Variants in NRGN observed in about 807,000 individuals in gnomAD.
NRGN encodes the protein neurogranin, also known as calmodulin-binding protein.
For missense variants in NRGN, 82 were observed against 123.0 expected, an observed-to-expected ratio of 0.67 and a Z score of 1.58; for synonymous variants, 47 against 52.8, an observed-to-expected ratio of 0.89 and a Z score of 0.47.
chr11:124,743,754 C>T (rs1943985673), intron 1 of NRGN, among the ~76,000 whole-genome samples: 1 of 152,064 alleles, frequency 6.6e-6, no homozygotes, highest in Non-Finnish European at 1.5e-5. Context: ...TGAAGCCTTC[C>T]TCATATCCTG....
At chr11:124,742,438 G>C (rs1943973711) in intron 1 of NRGN, among the ~76,000 whole-genome samples, 1 of 152,150 alleles carries the variant, frequency 6.6e-6, no homozygotes, top group African/African-American at 2.4e-5. Context: ...TTAAGAGACA[G>C]AGGAATGGTT....
In NRGN at chr11:124,746,726, T is replaced by G. The variant is rs1944015995; in HGVS notation, c.*346T>G. On this transcript the variant is annotated 3_prime_UTR_variant, in exon 4 of 4. Coordinates refer to ENST00000284292, the MANE Select transcript of NRGN (RefSeq NM_006176.3). Reference sequence around the variant, plus strand: ...CCTCCGCAGCCTCAGTGCGCTTTCCTGCGCGCACTGCGGAGGGCGCCCTAA... The same window carrying G: ...CCTCCGCAGCCTCAGTGCGCTTTCCGGCGCGCACTGCGGAGGGCGCCCTAA... The G allele has an allele frequency of 6.6e-6, 1 of 152,390 alleles. No individual in the cohort carries two copies. The highest frequency in any genetic ancestry group is 6.5e-5 in the Admixed American group (1 of 15,280). 9.4% of individuals were successfully genotyped at this position (152,390 alleles called of 1,614,324 possible).
At chr11:124,742,824 G>A (rs1943976844) in intron 1 of NRGN, among the ~76,000 whole-genome samples, 1 of 152,210 alleles carries the variant, frequency 6.6e-6, no homozygotes, top group Non-Finnish European at 1.5e-5. Flanking sequence ...TATCCTTAAA[G>A]CTATTCGGAT....
rs536026702 is a variant in NRGN at position 124,740,099 on chromosome 11, C to A, written c.15C>A (p.Thr5=). 3.7e-6 allele frequency: 5 copies of A among 1,345,758 alleles called. No homozygotes were observed. In the African/African-American group the frequency reaches 4.9e-5, roughly 13 times the overall value. 83.4% of individuals were successfully genotyped at this position (1,345,758 alleles called of 1,614,324 possible). Reference sequence around the variant, plus strand: ...CCGACACCAGCATGGACTGCTGCACCGTAAGTTAGAGGGCCCGGGGGAGGG... The same window carrying A: ...CCGACACCAGCATGGACTGCTGCACAGTAAGTTAGAGGGCCCGGGGGAGGG... MDCC[T]ENACSKPDDD... Residue 5 remains threonine (T), a splice_region_variant and synonymous_variant, in exon 1 of 4, where the codon ACC becomes ACA. Coordinates refer to ENST00000284292, the MANE Select transcript of NRGN (RefSeq NM_006176.3). This position sits in a 1 kb window ranked among gnomAD's most constrained non-coding sequence, Gnocchi z 7.5.
rs552005797 is a variant in NRGN at position 124,745,315 on chromosome 11, T to C, written c.16-188T>C. ...TGACTGTCCACCTGGCCCTGAACCT[T>C]CTTCGCCTGTCGCTGCCCATGCCCC... On this transcript the variant is annotated intron_variant, in intron 1 of 3. Transcript: ENST00000284292. The surrounding 1 kb of genome is among the most constrained non-coding windows in gnomAD (Gnocchi z 6.4). 2.1e-3 allele frequency among the ~76,000 whole-genome samples: 321 copies of C among 152,228 alleles called. No homozygotes were observed. The highest frequency in any genetic ancestry group is 3.6e-3 in the Non-Finnish European group (245 of 67,998).
intron 1 of NRGN, among the ~76,000 whole-genome samples, chr11:124,742,837 G>C (rs1480213990): frequency 6.6e-6 from 1 of 152,194 alleles, no homozygotes; most frequent in African/African-American, 2.4e-5. Context: ...ATTCGGATTT[G>C]GGAGCTGAAG....
intron 1 of NRGN, among the ~76,000 whole-genome samples, chr11:124,744,187 G>A (rs1943990764): frequency 6.6e-6 from 1 of 152,174 alleles, no homozygotes; most frequent in Non-Finnish European, 1.5e-5. Flanking sequence ...ATTATTATTA[G>A]GTTGAACCAT....
chr11:124,745,530 G>A lies in NRGN; in HGVS notation c.43G>A (p.Asp15Asn). The A allele has an allele frequency of 6.3e-7, 1 of 1,599,910 alleles. No individual in the cohort carries two copies. The highest frequency in any genetic ancestry group is 1.1e-5 in the South Asian group (1 of 89,274). ...GAACGCCTGCTCCAAGCCGGACGACGACATTCTAGACATCCCGCTGGACGA... is the reference window on the plus strand; with the variant it reads ...GAACGCCTGCTCCAAGCCGGACGACAACATTCTAGACATCCCGCTGGACGA... ...TENACSKPDDDILDIPLDDPG... is the reference protein window; with the variant it reads ...TENACSKPDDNILDIPLDDPG... The change falls in exon 2 of 4, where the codon GAC becomes AAC. Residue 15 changes from aspartate (D) to asparagine (N), a missense_variant. Asp to Asn is a conservative substitution (Grantham distance 23, BLOSUM62 1). Transcript: ENST00000284292. The surrounding 1 kb of genome is among the most constrained non-coding windows in gnomAD (Gnocchi z 6.4).
intron 1 of NRGN, among the ~76,000 whole-genome samples, chr11:124,742,767 A>G (rs1289308914): frequency 6.6e-6 from 1 of 152,204 alleles, no homozygotes; most frequent in Non-Finnish European, 1.5e-5. Context: ...ATATATGCAA[A>G]GCGCTTAGCA....
chr11:124,741,711 G>A lies in NRGN; in HGVS notation c.15+1612G>A, dbSNP rs114161499. Among the ~76,000 whole-genome samples, 147 of 152,120 alleles carry A rather than the reference G, an allele frequency of 9.7e-4. 2 individuals are homozygous for A. Among genetic ancestry groups the A allele is most frequent in the African/African-American group, 3.4e-3 (141 of 41,476 alleles). The stretch of plus-strand genomic sequence containing the variant: ...GGGAGGGGAGAGGTGAGGATGACAG[G>A]GGAGTATTGCTGGGGAAGGGGAAGT... On this transcript the variant is annotated intron_variant, in intron 1 of 3. Transcript: ENST00000284292.
rs933239931 is a variant in NRGN at position 124,739,948 on chromosome 11, G to A, written c.-137G>A. 4.5e-6 allele frequency: 2 copies of A among 444,468 alleles called. No homozygotes were observed. Among genetic ancestry groups the A allele is most frequent in the Non-Finnish European group, 8.0e-6 (2 of 249,964 alleles). 27.5% of individuals were successfully genotyped at this position (444,468 alleles called of 1,614,324 possible). ...GAGCGGAGCCGAGCGCGGGAGACCG[G>A]ACCCGAGAGCAGAGCTGCTGTTTCG... On this transcript the variant is annotated 5_prime_UTR_variant, in exon 1 of 4. Coordinates refer to ENST00000284292, the MANE Select transcript of NRGN (RefSeq NM_006176.3).
At chr11:124,742,249 A>G (rs1943971753) in intron 1 of NRGN, among the ~76,000 whole-genome samples, 2 of 152,092 alleles carry the variant, frequency 1.3e-5, no homozygotes, top group Admixed American at 1.3e-4. Context: ...TGTGGGAAGA[A>G]CAGCATACCT....
In NRGN at chr11:124,745,789, A is replaced by G. The variant is rs924401277; in HGVS notation, c.*5+60A>G. ...CCCTTCCCCAGCCCTCCCCAGGAGC[A>G]GGGGGAGAATAAGGGCGGGTTGGAG... On this transcript the variant is annotated intron_variant, in intron 2 of 3. Transcript: ENST00000284292. This position sits in a 1 kb window ranked among gnomAD's most constrained non-coding sequence, Gnocchi z 6.4. 4.7e-5 allele frequency: 45 copies of G among 964,052 alleles called. No individual in the cohort carries two copies. Among genetic ancestry groups the G allele is most frequent in the Non-Finnish European group, 5.8e-5 (42 of 720,702 alleles). The allele number at this position is 964,052 out of a possible 1,614,324, so 59.7% of individuals were successfully genotyped here.
rs1943956409 is a variant in NRGN at position 124,740,193 on chromosome 11, G to A, written c.15+94G>A. 1 of 943,814 alleles carries A rather than the reference G, an allele frequency of 1.1e-6. No homozygotes were observed. The highest frequency in any genetic ancestry group is 3.2e-5 in the East Asian group (1 of 30,852). The allele number at this position is 943,814 out of a possible 1,614,324, so 58.5% of individuals were successfully genotyped here. Reference sequence around the variant, plus strand: ...GGAGGGCGAGAGAGGGATGGAAGTGGATGCGGAAGACCTAGGAGCAGAAAG... The same window carrying A: ...GGAGGGCGAGAGAGGGATGGAAGTGAATGCGGAAGACCTAGGAGCAGAAAG... On this transcript the variant is annotated intron_variant, in intron 1 of 3. Coordinates refer to ENST00000284292, the MANE Select transcript of NRGN (RefSeq NM_006176.3). The surrounding 1 kb of genome is among the most constrained non-coding windows in gnomAD (Gnocchi z 7.5).
intron 1 of NRGN, among the ~76,000 whole-genome samples, chr11:124,743,573 G>A (rs1173472203): frequency 6.6e-6 from 1 of 151,882 alleles, no homozygotes; most frequent in Admixed American, 6.6e-5. Flanking sequence ...CCTTTTAACT[G>A]TGTTTAAATC....
At chr11:124,742,422 AT>A (rs1173541727) in intron 1 of NRGN, among the ~76,000 whole-genome samples, 3 of 152,046 alleles carry the variant, frequency 2.0e-5, no homozygotes, top group African/African-American at 7.2e-5. Context: ...AGATCTGCCT[AT>A]TTTTTTAAGA....
At position 124,747,112 on chromosome 11, in the gene NRGN, G is replaced by C. The variant is rs1036878369; in HGVS notation, c.*732G>C. 6.5e-6 allele frequency: 1 copy of C among 153,406 alleles called. No homozygotes were observed. Among genetic ancestry groups the C allele is most frequent in the African/African-American group, 2.4e-5 (1 of 41,476 alleles). The allele number at this position is 153,406 out of a possible 1,614,324, so 9.5% of individuals were successfully genotyped here. ...TCGGTCCCGCCCTCCCCCCCGCCGGGCTCCTGGGGCTGTGGCCGAAAGGTT... is the reference window on the plus strand; with the variant it reads ...TCGGTCCCGCCCTCCCCCCCGCCGGCCTCCTGGGGCTGTGGCCGAAAGGTT... On this transcript the variant is annotated 3_prime_UTR_variant, in exon 4 of 4. Transcript: ENST00000284292.
rs1251886402 is a variant in NRGN at position 124,740,777 on chromosome 11, C to A, written c.15+678C>A. Among the ~76,000 whole-genome samples, 2 of 152,272 alleles carry A rather than the reference C, an allele frequency of 1.3e-5. No homozygotes were observed. Among genetic ancestry groups the A allele is most frequent in the East Asian group, 3.8e-4 (2 of 5,196 alleles). Reference sequence around the variant, plus strand: ...CGCCCACGCGGAAACCTGGGTACTGCAAGTGCCCAGCGCCCGAGGGGTTTG... The same window carrying A: ...CGCCCACGCGGAAACCTGGGTACTGAAAGTGCCCAGCGCCCGAGGGGTTTG... On this transcript the variant is annotated intron_variant, in intron 1 of 3. Coordinates refer to ENST00000284292, the MANE Select transcript of NRGN (RefSeq NM_006176.3). The surrounding 1 kb of genome is among the most constrained non-coding windows in gnomAD (Gnocchi z 7.5).
Position 124,745,455 on chromosome 11 carries a change from G to A in NRGN, c.16-48G>A, listed in dbSNP as rs1187717569. The A allele has an allele frequency of 3.5e-6, 5 of 1,413,632 alleles. No individual in the cohort carries two copies. The highest frequency in any genetic ancestry group is 2.2e-5 in the Admixed American group (1 of 45,376). 87.6% of individuals were successfully genotyped at this position (1,413,632 alleles called of 1,614,324 possible). A position where few individuals can be genotyped will look rare whatever the true frequency, so the allele number is the denominator to read the frequency against. On this transcript the variant is annotated intron_variant, in intron 1 of 3. Coordinates refer to ENST00000284292, the MANE Select transcript of NRGN (RefSeq NM_006176.3). The surrounding 1 kb of genome is among the most constrained non-coding windows in gnomAD (Gnocchi z 6.4). ...GGCTCTATTCCTACCCCACTCCCGC[G>A]GATCAAGACCCAGTGACCCCACAAG...
Sources: allele counts gnomAD v4.1 joint callset (sites outside exome capture counted in the v4.1 genomes callset), GRCh38; gene constraint gnomAD v4.1.1; non-coding constraint Gnocchi (gnomAD v3.1); transcripts MANE v1.5; gene names NCBI Gene and HGNC (gene_info 2026-07-23, HGNC 2026-07-21).